N4BP1: variants seen among roughly 807,000 people sequenced by gnomAD.
N4BP1 encodes NEDD4-binding protein 1.
N4BP1 carries 21 observed loss-of-function variants against 70.9 expected under a neutral mutation model. The ratio of observed to expected loss-of-function variants is 0.30; its 90% confidence interval spans 0.21 to 0.43. The LOEUF (loss-of-function observed/expected upper bound fraction) is 0.43. Ranked by LOEUF, N4BP1 falls within the 20% of genes least tolerant of loss-of-function variation. The pLI is 1.00. For missense variants in N4BP1, 936 were observed against 1,069.4 expected (o/e 0.88, Z 1.74); for synonymous variants, 387 against 394.6 (o/e 0.98, Z 0.23).
At position 48,542,248 on chromosome 16, in the gene N4BP1, A is replaced by G. The variant is rs1272122332; in HGVS notation, c.*656T>C. On this transcript the variant is annotated 3_prime_UTR_variant, in exon 7 of 7. Transcript: ENST00000262384. ...GAAGGGGGAAGGAGGGTGGGACTCCATGGGCTCCACGATGTCTTCTAGCCC... is the reference window on the plus strand; with the variant it reads ...GAAGGGGGAAGGAGGGTGGGACTCCGTGGGCTCCACGATGTCTTCTAGCCC... The G allele has an allele frequency of 6.6e-6, 1 of 152,374 alleles. No individual in the cohort carries two copies. The highest frequency in any genetic ancestry group is 1.5e-5 in the Non-Finnish European group (1 of 68,114). The allele number at this position is 152,374 out of a possible 1,614,324, so 9.4% of individuals were successfully genotyped here. A position where few individuals can be genotyped will look rare whatever the true frequency, so the allele number is the denominator to read the frequency against.
At chr16:48,577,096 A>T (rs1011589705) in intron 1 of N4BP1, among the ~76,000 whole-genome samples, 3 of 152,100 alleles carry the variant, frequency 2.0e-5, no homozygotes, top group African/African-American at 4.8e-5. Flanking sequence ...CCCAAGCCCC[A>T]TTTCACTGGC....
At chr16:48,592,495 G>A (rs1375949436) in intron 1 of N4BP1, among the ~76,000 whole-genome samples, 2 of 152,172 alleles carry the variant, frequency 1.3e-5, no homozygotes, top group Non-Finnish European at 2.9e-5. Context: ...TAAGAAACTG[G>A]CAAATGAAAA....
intron 1 of N4BP1, chr16:48,600,357 GA>G (rs1198491678): frequency 2.6e-6 from 2 of 775,524 alleles, no homozygotes; most frequent in African/African-American, 3.4e-5. Flanking sequence ...GCTTACACTG[GA>G]TAATTCATTT....
intron 1 of N4BP1, among the ~76,000 whole-genome samples, chr16:48,563,529 G>A (rs1963893186): frequency 1.3e-5 from 2 of 151,966 alleles, no homozygotes; most frequent in African/African-American, 4.8e-5. Flanking sequence ...GGGATTACAG[G>A]CATGTGCCAC....
intron 1 of N4BP1, among the ~76,000 whole-genome samples, chr16:48,569,461 T>C (rs866936639): frequency 2.6e-5 from 4 of 152,184 alleles, no homozygotes; most frequent in African/African-American, 9.7e-5. Flanking sequence ...GGTGCCATCA[T>C]AGCTCACTGC....
chr16:48,606,595 A>C (rs573470966), intron 1 of N4BP1, among the ~76,000 whole-genome samples: 1 of 152,370 alleles, frequency 6.6e-6, no homozygotes, highest in South Asian at 2.1e-4. Context: ...CTTTAACAAA[A>C]GTGGTCACTG....
At chr16:48,603,456 T>A (rs993611971) in intron 1 of N4BP1, among the ~76,000 whole-genome samples, 1 of 152,092 alleles carries the variant, frequency 6.6e-6, no homozygotes, top group East Asian at 1.9e-4. Context: ...TAAAGGTTCA[T>A]GGAGACGCCA....
chr16:48,568,864 T>A (rs1963977671), intron 1 of N4BP1, among the ~76,000 whole-genome samples: 1 of 152,254 alleles, frequency 6.6e-6, no homozygotes. Context: ...TGTCTGGGTG[T>A]GCAAATCTTT....
rs113063633 is a variant in N4BP1, at chr16:48,553,483, A to G, written c.2020+56T>C. ...ATTCTAAATAGCATGTGTTGCAATT[A>G]TAAGCCAACTCATTAAACATTTCAC... On this transcript the variant is annotated intron_variant, in intron 3 of 6. Transcript: ENST00000262384. 4.7e-4 allele frequency: 702 copies of G among 1,482,250 alleles called. 5 individuals are homozygous for G. In the African/African-American group the frequency reaches 8.8e-3, roughly 18 times the overall value. 91.8% of individuals were successfully genotyped at this position (1,482,250 alleles called of 1,614,324 possible).
At chr16:48,563,738 T>C (rs2151090218) in intron 1 of N4BP1, among the ~76,000 whole-genome samples, 1 of 152,332 alleles carries the variant, frequency 6.6e-6, no homozygotes, top group East Asian at 1.9e-4. Context: ...TTAAATTAAA[T>C]GCAGATCTAA....
intron 1 of N4BP1, among the ~76,000 whole-genome samples, chr16:48,570,118 T>TG (rs1377705169): frequency 6.8e-6 from 1 of 147,220 alleles, no homozygotes; most frequent in Non-Finnish European, 1.5e-5. Flanking sequence ...TGCCACCACA[T>TG]GATTACTTGG....
At position 48,542,945 on chromosome 16, in the gene N4BP1, T is replaced by C. The variant is rs1420709997; in HGVS notation, c.2650A>G (p.Met884Val). 2.5e-6 allele frequency: 4 copies of C among 1,613,262 alleles called. No individual in the cohort carries two copies. The highest frequency in any genetic ancestry group is 3.4e-6 in the Non-Finnish European group (4 of 1,179,412). The part of the protein sequence containing the change: ...IDQILVAHPY[M>V]KDLNALSAMV... ...GCAGAAAGCGCATTTAGATCTTTCA[T>C]GTATGGGTGGGCCACCAAGATCTGG... The change falls in exon 7 of 7, where the codon ATG becomes GTG. Residue 884 changes from methionine (M) to valine (V), a missense_variant. This residue lies in a region of N4BP1 where 229 missense variants were observed against 343.5 expected (regional missense o/e 0.67). Coordinates refer to ENST00000262384, the MANE Select transcript of N4BP1 (RefSeq NM_153029.4).
chr16:48,555,629 G>A (rs1230049194), intron 2 of N4BP1, among the ~76,000 whole-genome samples: 1 of 152,126 alleles, frequency 6.6e-6, no homozygotes, highest in Non-Finnish European at 1.5e-5. Flanking sequence ...AGGTAACAAA[G>A]TGACATTTTT....
At chr16:48,571,817 C>T (rs536238802) in intron 1 of N4BP1, among the ~76,000 whole-genome samples, 1 of 152,124 alleles carries the variant, frequency 6.6e-6, no homozygotes, top group Non-Finnish European at 1.5e-5. Flanking sequence ...TAAAGGTCCA[C>T]CTAGGATATC....
intron 1 of N4BP1, among the ~76,000 whole-genome samples, chr16:48,584,452 A>G (rs778912151): frequency 7.4e-4 from 112 of 152,338 alleles, no homozygotes; most frequent in Non-Finnish European, 1.3e-3. Context: ...CCCCAGGGCT[A>G]TTAATACATT....
At chr16:48,545,776 A>T (rs1963582083) in intron 6 of N4BP1, among the ~76,000 whole-genome samples, 1 of 152,092 alleles carries the variant, frequency 6.6e-6, no homozygotes, top group African/African-American at 2.4e-5. Flanking sequence ...CTATAATCCC[A>T]ACACTTTGGG....
At chr16:48,551,320 G>C in intron 4 of N4BP1, 66 bp downstream of exon 4, 1 of 1,222,874 alleles carries the variant, frequency 8.2e-7, no homozygotes, top group East Asian at 2.3e-5. Context: ...GACCTGTCCA[G>C]CAGAGCAGGT....
chr16:48,570,015 G>C (rs377589414), intron 1 of N4BP1, among the ~76,000 whole-genome samples: 1 of 152,036 alleles, frequency 6.6e-6, no homozygotes, highest in African/African-American at 2.4e-5. Flanking sequence ...GATCCAGCTA[G>C]GACACACAGA....
chr16:48,594,018 A>C (rs868645348), intron 1 of N4BP1, among the ~76,000 whole-genome samples: 2 of 128,714 alleles, frequency 1.6e-5, no homozygotes, highest in Non-Finnish European at 3.2e-5. Context: ...AAAAAAAAAA[A>C]CAAAAAAAAA....
Sources: allele counts gnomAD v4.1 joint callset (sites outside exome capture counted in the v4.1 genomes callset), GRCh38; gene constraint gnomAD v4.1.1; regional missense constraint gnomAD v4.1.1; transcripts MANE v1.5; gene names NCBI Gene and HGNC (gene_info 2026-07-23, HGNC 2026-07-21).